GPC5: variants seen among roughly 807,000 people sequenced by gnomAD.
GPC5 encodes the protein glypican-5.
GPC5 carries 47 observed loss-of-function variants against 53.9 expected under a neutral mutation model. The observed-to-expected ratio is 0.87, with a 90% CI of 0.69 to 1.11. GPC5 has a LOEUF of 1.11. Ranked by LOEUF, GPC5 falls within the 50% of genes most tolerant of loss-of-function variation. The pLI is 0.00. For synonymous variants in GPC5, 286 were observed against 263.3 expected, an observed-to-expected ratio of 1.09 and a Z score of -0.84; for missense variants, 748 against 713.1, an observed-to-expected ratio of 1.05 and a Z score of -0.56.
At chr13:91,597,534 AT>A (rs1206661829) in intron 2 of GPC5, among the ~76,000 whole-genome samples, 2 of 152,018 alleles carry the variant, frequency 1.3e-5, no homozygotes, top group East Asian at 3.9e-4. Context: ...ATAGTTGTTT[AT>A]TTGGTTATGA....
intron 7 of GPC5, among the ~76,000 whole-genome samples, chr13:92,435,439 A>G (rs1008308963): frequency 2.0e-5 from 3 of 152,238 alleles, no homozygotes; most frequent in Non-Finnish European, 4.4e-5. Flanking sequence ...AGTATTGAAT[A>G]TATCAAAAAG....
intron 7 of GPC5, among the ~76,000 whole-genome samples, chr13:92,699,589 A>C (rs1217821450): frequency 6.6e-6 from 1 of 152,090 alleles, no homozygotes; most frequent in Non-Finnish European, 1.5e-5. Context: ...CCCTCTACAT[A>C]CTGCTTTAAA....
intron 7 of GPC5, among the ~76,000 whole-genome samples, chr13:92,384,643 T>C (rs926163330): frequency 5.9e-5 from 9 of 152,002 alleles, no homozygotes; most frequent in Non-Finnish European, 1.2e-4. Context: ...AACCTTGAGA[T>C]TGGAGGGGAA....
At chr13:91,415,297 A>G (rs983204045) in intron 1 of GPC5, among the ~76,000 whole-genome samples, 1 of 152,196 alleles carries the variant, frequency 6.6e-6, no homozygotes, top group African/African-American at 2.4e-5. Flanking sequence ...CCCCTGTAAC[A>G]CAATCCCCTA....
intron 7 of GPC5, among the ~76,000 whole-genome samples, chr13:92,156,591 C>T (rs1358171265): frequency 2.0e-5 from 3 of 152,096 alleles, no homozygotes; most frequent in Admixed American, 2.0e-4. Context: ...TGGCAAAAAC[C>T]ATAATTACTT....
intron 6 of GPC5, among the ~76,000 whole-genome samples, chr13:92,031,502 A>T (rs2040840831): frequency 6.6e-6 from 1 of 150,904 alleles, no homozygotes; most frequent in Non-Finnish European, 1.5e-5. Flanking sequence ...TCCCACAAGC[A>T]GTGTAGAAGT....
intron 6 of GPC5, among the ~76,000 whole-genome samples, chr13:92,009,383 G>T (rs569914925): frequency 6.6e-6 from 1 of 151,548 alleles, no homozygotes; most frequent in Non-Finnish European, 1.5e-5. Flanking sequence ...TTTTGTGGGG[G>T]TCTTGAATAG....
At chr13:92,348,807 C>T (rs1455594032) in intron 7 of GPC5, among the ~76,000 whole-genome samples, 3 of 152,118 alleles carry the variant, frequency 2.0e-5, no homozygotes, top group African/African-American at 7.2e-5. Context: ...AATTAAACAG[C>T]ATGCTCCTGA....
At chr13:92,823,910 C>T (rs187121041) in intron 7 of GPC5, among the ~76,000 whole-genome samples, 9 of 152,116 alleles carry the variant, frequency 5.9e-5, no homozygotes, top group Admixed American at 4.6e-4. Flanking sequence ...AACTCAATTT[C>T]CCCAGACCAA....
intron 7 of GPC5, among the ~76,000 whole-genome samples, chr13:92,390,380 G>A (rs1874938490): frequency 6.6e-6 from 1 of 152,100 alleles, no homozygotes; most frequent in Admixed American, 6.6e-5. Context: ...GCAGGGTATT[G>A]ATCCACTAAG....
Position 91,538,709 on chromosome 13 carries a change from A to C in GPC5, c.325+89787A>C, listed in dbSNP as rs572891740. Among the ~76,000 whole-genome samples, 249 of 150,590 alleles carry C rather than the reference A, an allele frequency of 1.7e-3. 1 individual carries two copies. Among genetic ancestry groups the C allele is most frequent in the African/African-American group, 5.7e-3 (235 of 40,938 alleles). On this transcript the variant is annotated intron_variant, in intron 2 of 7. Transcript: ENST00000377067. ...GCCCTTCTCTTGCCTCAGCCTCCTG[A>C]GTAGCTGGGACTACAGGTGCCCGCC...
At chr13:92,415,000 A>G (rs1876222907) in intron 7 of GPC5, among the ~76,000 whole-genome samples, 1 of 152,166 alleles carries the variant, frequency 6.6e-6, no homozygotes, top group African/African-American at 2.4e-5. Flanking sequence ...AAATGGGGCT[A>G]GGATGTATCA....
intron 7 of GPC5, among the ~76,000 whole-genome samples, chr13:92,522,426 T>A (rs1055458749): frequency 6.6e-6 from 1 of 152,174 alleles, no homozygotes; most frequent in Admixed American, 6.5e-5. Context: ...CACCATGGAA[T>A]ACTATGCAGC....
At chr13:92,421,385 T>C (rs1876552034) in intron 7 of GPC5, among the ~76,000 whole-genome samples, 1 of 152,144 alleles carries the variant, frequency 6.6e-6, no homozygotes, top group Non-Finnish European at 1.5e-5. Context: ...AAGAAATGCC[T>C]GAGACTGGGT....
chr13:92,298,282 T>C (rs1207769553), intron 7 of GPC5, among the ~76,000 whole-genome samples: 1 of 152,170 alleles, frequency 6.6e-6, no homozygotes, highest in African/African-American at 2.4e-5. Flanking sequence ...GCTTTCCTCC[T>C]TCCCCTGACT....
At chr13:92,425,979 T>C (rs1876814437) in intron 7 of GPC5, among the ~76,000 whole-genome samples, 1 of 152,066 alleles carries the variant, frequency 6.6e-6, no homozygotes, top group Non-Finnish European at 1.5e-5. Context: ...TAACATTAGA[T>C]CAACATACAT....
At chr13:92,278,380 A>G (rs936018539) in intron 7 of GPC5, among the ~76,000 whole-genome samples, 2 of 152,046 alleles carry the variant, frequency 1.3e-5, no homozygotes, top group African/African-American at 4.8e-5. Context: ...TCATATATGA[A>G]TATTTTCCTT....
At chr13:92,866,137 T>C in intron 7 of GPC5, 145 bp from the exon 8 acceptor site, 1 of 514,098 alleles carries the variant, frequency 1.9e-6, no homozygotes, top group Non-Finnish European at 3.2e-6. Flanking sequence ...AATACCTGTG[T>C]CATATTAATT....
intron 7 of GPC5, among the ~76,000 whole-genome samples, chr13:92,654,164 A>T (rs760113278): frequency 6.6e-6 from 1 of 152,236 alleles, no homozygotes; most frequent in Non-Finnish European, 1.5e-5. Flanking sequence ...AAAAGTGCAA[A>T]CTGATATCTC....
Sources: allele counts gnomAD v4.1 joint callset (sites outside exome capture counted in the v4.1 genomes callset), GRCh38; gene constraint gnomAD v4.1.1; transcripts MANE v1.5; gene names NCBI Gene and HGNC (gene_info 2026-07-23, HGNC 2026-07-21).